CALN1: variants seen among roughly 807,000 people sequenced by gnomAD.
CALN1 encodes calneuron 1.
In CALN1, 17 loss-of-function variants were observed where a neutral mutation model predicts 30.6. The observed-to-expected ratio is 0.56, with a 90% CI of 0.38 to 0.83. The LOEUF is 0.83. CALN1 is among the 40% of genes least tolerant of loss of function. The pLI, the probability that CALN1 is intolerant of heterozygous loss-of-function variation, is 0.00. For synonymous variants in CALN1, 156 were observed against 131.4 expected (o/e 1.19, Z -1.28); for missense variants, 291 against 354.9 (o/e 0.82, Z 1.45).
chr7:72,299,463 C>CAGAGTTTACGTAAAACGAA (rs76299508), intron 2 of CALN1, among the ~76,000 whole-genome samples: 2 of 152,108 alleles, frequency 1.3e-5, no homozygotes, highest in South Asian at 4.2e-4. Context: ...AGTTAAGAGG[C>CAGAGTTTACGTAAAACGAA]AGAAATTACA....
In CALN1 at chr7:72,368,236, C is replaced by A. The variant is rs1203750441; in HGVS notation, c.119+35015G>T. ...ATATCTATGTGCGTGATATATATAT[C>A]TAGGATGCTAGTAATGTTCTGTTAA... On this transcript the variant is annotated intron_variant, in intron 2 of 6. Coordinates refer to ENST00000395275, the MANE Select transcript of CALN1 (RefSeq NM_031468.4). Among the ~76,000 whole-genome samples the A allele has an allele frequency of 4.7e-5, 7 of 149,266 alleles. No homozygotes were observed. The East Asian group carries it at 1.4e-3, about 29-fold the overall frequency.
chr7:72,449,625 C>A (rs538486631), upstream of CALN1, among the ~76,000 whole-genome samples: 5 of 152,148 alleles, frequency 3.3e-5, no homozygotes, highest in Non-Finnish European at 7.3e-5. Flanking sequence ...GTAATCCCAA[C>A]ATTTTAAGAG....
intron 2 of CALN1, among the ~76,000 whole-genome samples, chr7:72,293,381 T>G (rs1381027268): frequency 6.6e-6 from 1 of 152,080 alleles, no homozygotes; most frequent in African/African-American, 2.4e-5. Context: ...TCTGCCAAGA[T>G]TCAAAGCAAG....
intron 2 of CALN1, among the ~76,000 whole-genome samples, chr7:72,397,911 T>C (rs1415275289): frequency 1.3e-5 from 2 of 152,172 alleles, no homozygotes; most frequent in African/African-American, 4.8e-5. Context: ...TACCCACTGC[T>C]GCATCCTGCT....
intron 5 of CALN1, among the ~76,000 whole-genome samples, chr7:72,010,816 A>G (rs1183486060): frequency 1.3e-5 from 2 of 149,580 alleles, no homozygotes; most frequent in Admixed American, 6.6e-5. Flanking sequence ...AAAAAAAAAA[A>G]AGAAAAGAAA....
chr7:72,459,903 T>C, the CALN1 span, among the ~76,000 whole-genome samples: 2 of 152,136 alleles, frequency 1.3e-5, no homozygotes, highest in African/African-American at 4.8e-5. Flanking sequence ...GCTGTTAATA[T>C]AAAGGCATAC....
chr7:72,292,802 C>A (rs1308566200), intron 2 of CALN1, among the ~76,000 whole-genome samples: 1 of 106,904 alleles, frequency 9.4e-6, no homozygotes, highest in Non-Finnish European at 1.8e-5. Context: ...GCTTGGGCAA[C>A]AGAACAATAC....
At chr7:72,422,587 G>A (rs770290932) in intron 1 of CALN1, among the ~76,000 whole-genome samples, 12 of 152,136 alleles carry the variant, frequency 7.9e-5, no homozygotes, top group Non-Finnish European at 5.9e-5. Context: ...CTCGTCCTCC[G>A]CAAGTGCTTC....
chr7:72,286,610 A>G (rs563635583), intron 2 of CALN1, among the ~76,000 whole-genome samples: 1 of 152,348 alleles, frequency 6.6e-6, no homozygotes, highest in South Asian at 2.1e-4. Flanking sequence ...GCTCTCAACA[A>G]AGGCCAGCTA....
At chr7:72,113,461 A>G (rs778779838) in intron 3 of CALN1, among the ~76,000 whole-genome samples, 1 of 152,174 alleles carries the variant, frequency 6.6e-6, no homozygotes, top group South Asian at 2.1e-4. Context: ...TATATTTTCT[A>G]TATAAATTAT....
At chr7:72,377,413 T>C (rs186680975) in intron 2 of CALN1, among the ~76,000 whole-genome samples, 3 of 151,262 alleles carry the variant, frequency 2.0e-5, no homozygotes, top group East Asian at 3.9e-4. Flanking sequence ...TTTTTACTCT[T>C]TGGGTAATAT....
At position 72,320,858 on chromosome 7, in the gene CALN1, G is replaced by A. The variant is rs200126411; in HGVS notation, c.120-42048C>T. 1.5e-3 allele frequency among the ~76,000 whole-genome samples: 152 copies of A among 104,310 alleles called. 1 individual carries two copies. The highest frequency in any genetic ancestry group is 4.6e-3 in the African/African-American group (133 of 29,104). The allele number at this position is 104,310 out of a possible 152,430, so 68.4% of individuals were successfully genotyped here. A position where few individuals can be genotyped will look rare whatever the true frequency, so the allele number is the denominator to read the frequency against. Reference sequence around the variant, plus strand: ...TCAAAAAAAAAAAAAAAAAAAAAAAGAATCACAGAGGCAGCCTAACCTAGC... The same window carrying A: ...TCAAAAAAAAAAAAAAAAAAAAAAAAAATCACAGAGGCAGCCTAACCTAGC... On this transcript the variant is annotated intron_variant, in intron 2 of 6. Coordinates refer to ENST00000395275, the MANE Select transcript of CALN1 (RefSeq NM_031468.4).
intron 1 of CALN1, among the ~76,000 whole-genome samples, chr7:72,409,082 G>A (rs892011512): frequency 4.6e-5 from 7 of 151,634 alleles, no homozygotes; most frequent in Non-Finnish European, 1.0e-4. Flanking sequence ...TGCAACTTCC[G>A]CCTCCCGGAT....
At chr7:71,907,412 C>T (rs376197804) in intron 5 of CALN1, among the ~76,000 whole-genome samples, 3 of 152,108 alleles carry the variant, frequency 2.0e-5, no homozygotes, top group Non-Finnish European at 4.4e-5. Flanking sequence ...TTATTTTTCT[C>T]GTTTGCAAAG....
At chr7:72,258,784 G>C (rs977458205) in intron 3 of CALN1, among the ~76,000 whole-genome samples, 1 of 151,648 alleles carries the variant, frequency 6.6e-6, no homozygotes. Context: ...TGGGTGTGGT[G>C]GTGGGTGCCT....
At chr7:72,150,679 T>C (rs1787162692) in intron 3 of CALN1, among the ~76,000 whole-genome samples, 1 of 152,160 alleles carries the variant, frequency 6.6e-6, no homozygotes, top group African/African-American at 2.4e-5. Context: ...AAGGCTACAT[T>C]GGGCCTCTCC....
At chr7:72,013,834 T>C (rs1800227666) in intron 5 of CALN1, among the ~76,000 whole-genome samples, 1 of 151,996 alleles carries the variant, frequency 6.6e-6, no homozygotes, top group Admixed American at 6.6e-5. Flanking sequence ...AATTATATAA[T>C]ATTTTATCTT....
At chr7:72,263,155 C>T (rs1307602724) in intron 3 of CALN1, among the ~76,000 whole-genome samples, 2 of 152,140 alleles carry the variant, frequency 1.3e-5, no homozygotes, top group Non-Finnish European at 2.9e-5. Context: ...ATAACAATAA[C>T]AATAATTACT....
intron 3 of CALN1, among the ~76,000 whole-genome samples, chr7:72,188,382 T>A (rs1449788100): frequency 3.3e-5 from 5 of 152,152 alleles, no homozygotes. Context: ...TAAAAAGGAA[T>A]GAATTAATAG....
Sources: allele counts gnomAD v4.1 joint callset (sites outside exome capture counted in the v4.1 genomes callset), GRCh38; gene constraint gnomAD v4.1.1; transcripts MANE v1.5; gene names NCBI Gene and HGNC (gene_info 2026-07-23, HGNC 2026-07-21).